Variants in OTUD7B observed in about 807,000 individuals in gnomAD.
OTUD7B encodes the protein OTU domain-containing protein 7B.
In OTUD7B, 34 loss-of-function variants were observed where a neutral mutation model predicts 82.2. That is an observed-to-expected ratio of 0.41 (90% CI 0.31 to 0.55). OTUD7B has a LOEUF of 0.55. Ranked by LOEUF, OTUD7B falls within the 20% of genes least tolerant of loss-of-function variation. The pLI is 0.20. For synonymous variants in OTUD7B, 398 were observed against 402.7 expected, an observed-to-expected ratio of 0.99 and a Z score of 0.14; for missense variants, 944 against 1,062.1, an observed-to-expected ratio of 0.89 and a Z score of 1.55.
At chr1:150,065,770 T>C in the OTUD7B span, among the ~76,000 whole-genome samples, 1 of 148,944 alleles carries the variant, frequency 6.7e-6, no homozygotes, top group African/African-American at 2.4e-5. Context: ...TGTGGTTTTC[T>C]TCAGGAAGGA....
chr1:150,005,799 A>C (rs587662488), intron 1 of OTUD7B, among the ~76,000 whole-genome samples: 1 of 152,296 alleles, frequency 6.6e-6, no homozygotes, highest in African/African-American at 2.4e-5. Flanking sequence ...AATCTTCAAC[A>C]ACACAACATA....
chr1:150,024,302 A>G, the OTUD7B span, among the ~76,000 whole-genome samples: 321 of 152,298 alleles, frequency 2.1e-3, no homozygotes, highest in Non-Finnish European at 2.7e-3. Flanking sequence ...TCAAGGTAAC[A>G]GTTTTTCTGG....
Position 149,952,888 on chromosome 1 carries a change from T to C in OTUD7B, c.846-2667A>G, listed in dbSNP as rs187047147. Among the ~76,000 whole-genome samples, 8 of 152,366 alleles carry C rather than the reference T, an allele frequency of 5.3e-5. No homozygotes were observed. The East Asian group carries it at 1.5e-3, about 29-fold the overall frequency. ...CTGTTTATATGCTTCGCCCACTTTT[T>C]GATGGGGTTGATTTTTTCTTATAAC... is the stretch of plus-strand genomic sequence containing the variant. On this transcript the variant is annotated intron_variant, in intron 7 of 11. Coordinates refer to ENST00000581312, the MANE Select transcript of OTUD7B (RefSeq NM_020205.4).
rs587720410 is a variant in OTUD7B, at chr1:149,956,475, C to A, written c.845+3209G>T. Reference sequence around the variant, plus strand: ...CTCTGGCTGCCCTTAGCATTTTTTCCTTCATTTCAACTTTGGGAATCTGAC... The same window carrying A: ...CTCTGGCTGCCCTTAGCATTTTTTCATTCATTTCAACTTTGGGAATCTGAC... On this transcript the variant is annotated intron_variant, in intron 7 of 11. Transcript: ENST00000581312. 5.3e-5 allele frequency among the ~76,000 whole-genome samples: 8 copies of A among 152,228 alleles called. No individual in the cohort carries two copies. The East Asian group carries it at 1.5e-3, about 29-fold the overall frequency.
intron 9 of OTUD7B, 54 bp downstream of exon 9, chr1:149,949,575 A>T: frequency 6.3e-7 from 1 of 1,577,108 alleles, no homozygotes; most frequent in Non-Finnish European, 8.7e-7. Context: ...ATTAGATCTC[A>T]TTCAATTTTT....
the OTUD7B span, among the ~76,000 whole-genome samples, chr1:150,023,605 A>G: frequency 1.3e-5 from 2 of 152,246 alleles, no homozygotes; most frequent in Non-Finnish European, 2.9e-5. Context: ...CACAGAGAGT[A>G]GAATGGTGGT....
the OTUD7B span, among the ~76,000 whole-genome samples, chr1:150,016,446 C>CTTTTCTTTTTTTTTTT: frequency 2.3e-5 from 3 of 130,062 alleles, no homozygotes; most frequent in Non-Finnish European, 3.2e-5. Flanking sequence ...TTTCTCTTTT[C>CTTTTCTTTTTTTTTTT]TTTTTCTTTT....
chr1:149,966,800 A>G (rs1390946625), intron 4 of OTUD7B, among the ~76,000 whole-genome samples: 3 of 152,234 alleles, frequency 2.0e-5, no homozygotes, highest in African/African-American at 7.2e-5. Context: ...GCCCTCATCT[A>G]ACTCCAGTTC....
chr1:149,982,462 T>G (rs1553779939), intron 1 of OTUD7B, among the ~76,000 whole-genome samples: 3 of 152,052 alleles, frequency 2.0e-5, no homozygotes, highest in Admixed American at 6.6e-5. Flanking sequence ...CTTATATAAC[T>G]TTATTTATTT....
At chr1:150,057,052 A>G in the OTUD7B span, among the ~76,000 whole-genome samples, 1 of 152,222 alleles carries the variant, frequency 6.6e-6, no homozygotes, top group Non-Finnish European at 1.5e-5. Context: ...CAAAGTTAAT[A>G]TCACCAATGA....
intron 4 of OTUD7B, 49 bp downstream of exon 4, chr1:149,967,245 G>A (rs1188873976): frequency 3.1e-5 from 42 of 1,343,840 alleles, no homozygotes; most frequent in Non-Finnish European, 4.2e-5. Context: ...AAGGCTGCCT[G>A]TAGGTGGAGA....
At chr1:150,000,608 G>GA (rs1337261943) in intron 1 of OTUD7B, among the ~76,000 whole-genome samples, 1 of 152,042 alleles carries the variant, frequency 6.6e-6, no homozygotes, top group South Asian at 2.1e-4. Flanking sequence ...GCAATGTTGA[G>GA]AAAAAAAGTT....
At chr1:150,014,578 A>T (rs190733114), upstream of OTUD7B, among the ~76,000 whole-genome samples, 1 of 152,310 alleles carries the variant, frequency 6.6e-6, no homozygotes, top group Admixed American at 6.5e-5. Flanking sequence ...AAACTAGAAC[A>T]TTTTAAATGT....
chr1:150,054,199 T>C, the OTUD7B span: 8 of 405,272 alleles, frequency 2.0e-5, no homozygotes, highest in Middle Eastern at 7.9e-4. Context: ...GCAAAATGCC[T>C]ACATATTATC....
chr1:149,964,363 G>A lies in OTUD7B; in HGVS notation c.605-14C>T. On this transcript the variant is annotated splice_polypyrimidine_tract_variant and intron_variant, in intron 5 of 11. Coordinates refer to ENST00000581312, the MANE Select transcript of OTUD7B (RefSeq NM_020205.4). ...AACCCCACATTCCTGTGGCAAAAAA[G>A]CATAATGGTAAGATACCTCAGCTTG... 1.2e-6 allele frequency: 2 copies of A among 1,611,290 alleles called. No individual in the cohort carries two copies. Among genetic ancestry groups the A allele is most frequent in the East Asian group, 2.2e-5 (1 of 44,844 alleles).
chr1:150,018,118 G>A, the OTUD7B span, among the ~76,000 whole-genome samples: 2 of 152,156 alleles, frequency 1.3e-5, no homozygotes, highest in Admixed American at 6.5e-5. Flanking sequence ...TCACCATTAC[G>A]TAGGTAACCT....
intron 7 of OTUD7B, among the ~76,000 whole-genome samples, chr1:149,950,877 T>C (rs1280492130): frequency 3.4e-5 from 5 of 147,664 alleles, no homozygotes; most frequent in African/African-American, 9.9e-5. Flanking sequence ...CTGCAAGCTC[T>C]GCCTCCCAAG....
chr1:149,990,005 C>T (rs781915152), intron 1 of OTUD7B, among the ~76,000 whole-genome samples: 1 of 152,306 alleles, frequency 6.6e-6, no homozygotes, highest in Non-Finnish European at 1.5e-5. Flanking sequence ...CTGATACTCA[C>T]ATTTTAACTC....
At chr1:150,023,613 G>A in the OTUD7B span, among the ~76,000 whole-genome samples, 1 of 152,202 alleles carries the variant, frequency 6.6e-6, no homozygotes, top group Non-Finnish European at 1.5e-5. Context: ...GTAGAATGGT[G>A]GTTACCAGAG....
Sources: gnomAD v4.1 joint callset for allele counts (sites outside exome capture counted in the v4.1 genomes callset) on GRCh38, gnomAD v4.1.1 for gene constraint, MANE v1.5 for transcripts, NCBI Gene and HGNC (gene_info 2026-07-23, HGNC 2026-07-21) for gene names.